Variants in C1orf87 observed in about 807,000 individuals in gnomAD.
The protein encoded by C1orf87 is uncharacterized protein C1orf87.
In C1orf87, 58 loss-of-function variants were observed where a neutral mutation model predicts 60.5. The observed-to-expected ratio is 0.96, with a 90% CI of 0.78 to 1.19. The LOEUF is 1.19. Among genes scored for constraint, C1orf87 ranks in the 50% most tolerant of loss-of-function variants. The pLI, the probability that C1orf87 is intolerant of heterozygous loss-of-function variation, is 0.00. For missense variants in C1orf87, 673 were observed against 638.6 expected (o/e 1.05, Z -0.58); for synonymous variants, 236 against 227.4 (o/e 1.04, Z -0.34).
chr1:60,064,919 A>G (rs1181111489), intron 2 of C1orf87, among the ~76,000 whole-genome samples: 1 of 94,192 alleles, frequency 1.1e-5, no homozygotes, highest in Admixed American at 1.7e-4. Flanking sequence ...AATATTTTAT[A>G]TTATATAATA....
intron 2 of C1orf87, among the ~76,000 whole-genome samples, chr1:60,063,232 G>A (rs1049152656): frequency 1.3e-5 from 2 of 151,982 alleles, no homozygotes; most frequent in Non-Finnish European, 2.9e-5. Context: ...CAAAGATAAG[G>A]CTTATTGATC....
rs1644972012 is a variant in C1orf87, at chr1:59,997,606, C to T, written c.1480+3G>A. 1.2e-6 allele frequency: 2 copies of T among 1,613,354 alleles called. No homozygotes were observed. The stretch of plus-strand genomic sequence containing the variant: ...TATGCCAGCTTTACAATTCATACTT[C>T]ACCTGTGTTACTCAGATCACACAGG... On this transcript the variant is annotated splice_donor_region_variant and intron_variant, in intron 11 of 11. Transcript: ENST00000371201.
At chr1:60,061,058 A>C (rs1470381524) in intron 2 of C1orf87, among the ~76,000 whole-genome samples, 2 of 152,298 alleles carry the variant, frequency 1.3e-5, no homozygotes, top group Admixed American at 6.5e-5. Context: ...CCATACTCTG[A>C]GAGGATGCAG....
intron 2 of C1orf87, among the ~76,000 whole-genome samples, chr1:60,057,270 T>C (rs1645463909): frequency 6.6e-6 from 1 of 152,120 alleles, no homozygotes; most frequent in Non-Finnish European, 1.5e-5. Context: ...TAGTCAGGAA[T>C]CTTGGTATAG....
chr1:60,058,623 G>A (rs540427024), intron 2 of C1orf87, among the ~76,000 whole-genome samples: 6 of 152,204 alleles, frequency 3.9e-5, no homozygotes, highest in Non-Finnish European at 7.4e-5. Context: ...GTATAGTCAG[G>A]TGTTCCTATT....
At chr1:60,007,469 G>A (rs142201763) in intron 9 of C1orf87, among the ~76,000 whole-genome samples, 2,269 of 152,060 alleles carry the variant, frequency 0.015, 29 homozygotes, top group Middle Eastern at 0.037. Context: ...ATTAATTACA[G>A]TTATTTCAAA....
At chr1:59,994,781 A>G (rs1644951981) in intron 11 of C1orf87, among the ~76,000 whole-genome samples, 1 of 152,154 alleles carries the variant, frequency 6.6e-6, no homozygotes, top group African/African-American at 2.4e-5. Context: ...CTCATCCTGG[A>G]TGGAGAACAT....
At chr1:60,043,527 G>A (rs1024065968) in intron 3 of C1orf87, among the ~76,000 whole-genome samples, 23 of 152,180 alleles carry the variant, frequency 1.5e-4, no homozygotes, top group African/African-American at 5.1e-4. Context: ...AACTACAGGC[G>A]GATGCCACCA....
chr1:60,022,849 G>C lies in C1orf87; in HGVS notation c.1127+2552C>G, dbSNP rs115368781. Among the ~76,000 whole-genome samples, 183 of 152,234 alleles carry C rather than the reference G, an allele frequency of 1.2e-3. 2 individuals are homozygous for C. The highest frequency in any genetic ancestry group is 2.3e-3 in the Non-Finnish European group (156 of 67,994). ...GACAGTCAATCTGATAACCAAGACA[G>C]CTACTAAGTGATTAACACAGGTGTA... On this transcript the variant is annotated intron_variant, in intron 8 of 11. Coordinates refer to ENST00000371201, the MANE Select transcript of C1orf87 (RefSeq NM_152377.3).
chr1:60,071,332 T>A (rs892873281), intron 2 of C1orf87, among the ~76,000 whole-genome samples: 20 of 152,030 alleles, frequency 1.3e-4, no homozygotes, highest in Admixed American at 1.3e-3. Flanking sequence ...ACTAGATAGG[T>A]GTTGTTTTAT....
intron 8 of C1orf87, among the ~76,000 whole-genome samples, chr1:60,014,107 A>C (rs1279397925): frequency 1.3e-5 from 2 of 152,024 alleles, no homozygotes; most frequent in African/African-American, 2.4e-5. Context: ...TTGATAGTTG[A>C]GCTCTCCAAA....
chr1:60,009,039 G>T (rs1218765837), intron 9 of C1orf87, among the ~76,000 whole-genome samples: 1 of 151,932 alleles, frequency 6.6e-6, no homozygotes, highest in Non-Finnish European at 1.5e-5. Context: ...GGATTGAATT[G>T]TGTCCTCCTC....
At chr1:60,057,669 T>A (rs556035400) in intron 2 of C1orf87, among the ~76,000 whole-genome samples, 2 of 152,188 alleles carry the variant, frequency 1.3e-5, no homozygotes, top group Non-Finnish European at 2.9e-5. Flanking sequence ...TTAGTACATT[T>A]GATGACAAGA....
At chr1:60,067,594 T>G (rs978287062) in intron 2 of C1orf87, among the ~76,000 whole-genome samples, 3 of 150,804 alleles carry the variant, frequency 2.0e-5, no homozygotes, top group African/African-American at 7.3e-5. Flanking sequence ...GTAAATTTAT[T>G]TAAGTCCCTT....
chr1:60,039,670 A>T lies in C1orf87; in HGVS notation c.747+247T>A, dbSNP rs528001725. Among the ~76,000 whole-genome samples, 25 of 152,350 alleles carry T rather than the reference A, an allele frequency of 1.6e-4. No individual in the cohort carries two copies. In the South Asian group the frequency reaches 5.2e-3, roughly 32 times the overall value. ...TCTGTAACTACCCTAACATTGTTAA[A>T]AGCTGACAATGCAAGTTGGGGCAGG... On this transcript the variant is annotated intron_variant, in intron 5 of 11. Coordinates refer to ENST00000371201, the MANE Select transcript of C1orf87 (RefSeq NM_152377.3).
rs369363823 is a variant in C1orf87 at position 60,017,871 on chromosome 1, AAAC to A, written c.1128-7418_1128-7416del. 3.7e-4 allele frequency among the ~76,000 whole-genome samples: 56 copies of A among 152,352 alleles called. 1 individual carries two copies. The South Asian group carries it at 4.8e-3, about 13-fold the overall frequency. ...AAAAAAACAAATCTCAATGTTAAAAAAACAACAACAACTTTGTAACAGGGTTTG... is the reference window on the plus strand; with the variant it reads ...AAAAAAACAAATCTCAATGTTAAAAAAACAACAACTTTGTAACAGGGTTTG... On this transcript the variant is annotated intron_variant, in intron 8 of 11. Transcript: ENST00000371201.
chr1:59,997,913 A>G (rs1574291986), intron 10 of C1orf87, 97 bp from the exon 11 acceptor site: 1 of 1,208,758 alleles, frequency 8.3e-7, no homozygotes, highest in Non-Finnish European at 1.2e-6. Context: ...CAAGATTTAT[A>G]GCAAGGTTTG....
chr1:60,015,458 A>G (rs2100263481), intron 8 of C1orf87, among the ~76,000 whole-genome samples: 1 of 152,336 alleles, frequency 6.6e-6, no homozygotes, highest in South Asian at 2.1e-4. Context: ...ACAGGCTGCC[A>G]TAACAAAATA....
At chr1:60,035,885 T>A (rs1306310987) in intron 6 of C1orf87, among the ~76,000 whole-genome samples, 1 of 152,108 alleles carries the variant, frequency 6.6e-6, no homozygotes, top group East Asian at 1.9e-4. Context: ...CCATAACCGC[T>A]ATGAAGGGGA....
Sources: allele counts gnomAD v4.1 joint callset (sites outside exome capture counted in the v4.1 genomes callset), GRCh38; gene constraint gnomAD v4.1.1; transcripts MANE v1.5; gene names NCBI Gene and HGNC (gene_info 2026-07-23, HGNC 2026-07-21).